VDR: variants seen among roughly 807,000 people sequenced by gnomAD.
VDR encodes the protein vitamin D3 receptor.
In VDR, 19 loss-of-function variants were observed where a neutral mutation model predicts 39.7. The observed-to-expected ratio is 0.48, with a 90% confidence interval of 0.33 to 0.70. The LOEUF (loss-of-function observed/expected upper bound fraction) is 0.70. Ranked by LOEUF, VDR falls within the 30% of genes least tolerant of loss-of-function variation. VDR has a pLI of 0.02. For synonymous variants in VDR, 242 were observed against 215.8 expected, an observed-to-expected ratio of 1.12 and a Z score of -1.07; for missense variants, 442 against 570.5, an observed-to-expected ratio of 0.77 and a Z score of 2.29.
intron 3 of VDR, among the ~76,000 whole-genome samples, chr12:47,865,879 A>ATTT (rs1041605668): frequency 3.4e-5 from 5 of 149,194 alleles, no homozygotes; most frequent in East Asian, 2.0e-4. Context: ...CTCCTGGCTA[A>ATTT]TTTTTTTTTG....
intron 4 of VDR, among the ~76,000 whole-genome samples, chr12:47,862,428 T>A (rs184410222): frequency 1.6e-4 from 25 of 152,374 alleles, no homozygotes; most frequent in Non-Finnish European, 3.7e-4. Context: ...CATCATCTTA[T>A]TAGCTGAGAG....
chr12:47,844,397 T>G lies in VDR; in HGVS notation c.*349A>C, dbSNP rs1412697395. 1 of 453,940 alleles carries G rather than the reference T, an allele frequency of 2.2e-6. No individual in the cohort carries two copies. The highest frequency in any genetic ancestry group is 2.0e-5 in the African/African-American group (1 of 50,648). 28.1% of individuals were successfully genotyped at this position (453,940 alleles called of 1,614,324 possible). A position where few individuals can be genotyped will look rare whatever the true frequency, so the allele number is the denominator to read the frequency against. The stretch of plus-strand genomic sequence containing the variant: ...CTCTGTCCCTGAGGAATGGATGCAT[T>G]TCTCCTGTCTGTTCCCTCAACATCA... On this transcript the variant is annotated 3_prime_UTR_variant, in exon 10 of 10. Coordinates refer to ENST00000549336, the MANE Select transcript of VDR (RefSeq NM_000376.3).
At chr12:47,849,947 T>C (rs1372865358) in intron 7 of VDR, among the ~76,000 whole-genome samples, 5 of 152,140 alleles carry the variant, frequency 3.3e-5, no homozygotes, top group African/African-American at 1.2e-4. Context: ...GCCTCCCGGG[T>C]TCAGGCAATT....
At chr12:47,890,489 G>A (rs4760650) in intron 1 of VDR, among the ~76,000 whole-genome samples, 2 of 151,430 alleles carry the variant, frequency 1.3e-5, no homozygotes, top group African/African-American at 2.4e-5. Flanking sequence ...CACGTCACCA[G>A]GCAGGTTACA....
Position 47,857,655 on chromosome 12 carries a change from C to T in VDR, c.311G>A (p.Arg104Gln), listed in dbSNP as rs749763626. 9.9e-6 allele frequency: 16 copies of T among 1,614,046 alleles called. No homozygotes were observed. The highest frequency in any genetic ancestry group is 2.2e-5 in the South Asian group (2 of 91,082). ...CTCCTTCCGCTTCAGGATCATCTCC[C>T]GCTTCCTCTGCACTTCCTCATCTGT... ...ILTDEEVQRK[R>Q]EMILKRKEEE... Residue 104 changes from arginine to glutamine, a missense_variant, in exon 5 of 10, where the codon CGG (arginine) becomes CAG (glutamine). Arg to Gln is a conservative substitution (Grantham distance 43). This residue lies in a region of VDR where 46 missense variants were observed against 82.0 expected (regional missense o/e 0.56). Coordinates refer to ENST00000549336, the MANE Select transcript of VDR (RefSeq NM_000376.3).
intron 1 of VDR, chr12:47,899,941 G>A: frequency 3.0e-6 from 3 of 985,594 alleles, no homozygotes; most frequent in Non-Finnish European, 3.6e-6. Flanking sequence ...CCGTCCAGCT[G>A]GGCTAGGTTC....
At chr12:47,859,462 G>A (rs979443877) in intron 4 of VDR, among the ~76,000 whole-genome samples, 3 of 152,112 alleles carry the variant, frequency 2.0e-5, no homozygotes, top group African/African-American at 4.8e-5. Flanking sequence ...GCTCATGCTC[G>A]CCCCTGCATT....
At chr12:47,871,867 C>T (rs1400715389) in intron 3 of VDR, among the ~76,000 whole-genome samples, 1 of 152,212 alleles carries the variant, frequency 6.6e-6, no homozygotes, top group East Asian at 1.9e-4. Context: ...AAGAAGTGTT[C>T]TTTAGCAGAT....
At chr12:47,871,470 T>C (rs1384695473) in intron 3 of VDR, among the ~76,000 whole-genome samples, 16 of 150,224 alleles carry the variant, frequency 1.1e-4, no homozygotes, top group East Asian at 1.9e-4. Flanking sequence ...TTCTTTCTTT[T>C]TTTTTTTTTT....
intron 1 of VDR, among the ~76,000 whole-genome samples, chr12:47,899,134 T>C (rs1375888566): frequency 2.6e-5 from 4 of 152,228 alleles, no homozygotes; most frequent in Non-Finnish European, 4.4e-5. Flanking sequence ...AGCTAACAAA[T>C]GACAGAGAAA....
chr12:47,891,074 T>C (rs142172875), intron 1 of VDR, among the ~76,000 whole-genome samples: 2 of 152,326 alleles, frequency 1.3e-5, no homozygotes, highest in Non-Finnish European at 2.9e-5. Flanking sequence ...CTCTTCCGCA[T>C]TGTGTCAAAG....
chr12:47,896,119 G>T (rs1384875211), intron 1 of VDR, among the ~76,000 whole-genome samples: 1 of 152,216 alleles, frequency 6.6e-6, no homozygotes, highest in African/African-American at 2.4e-5. Flanking sequence ...TGTGAAATGA[G>T]AAAAATAACA....
At chr12:47,863,705 A>G (rs1945670463) in intron 4 of VDR, among the ~76,000 whole-genome samples, 1 of 152,152 alleles carries the variant, frequency 6.6e-6, no homozygotes, top group Non-Finnish European at 1.5e-5. Context: ...GCACCCTGTG[A>G]TGGTGTGGAG....
chr12:47,904,493 T>C (rs898824240), intron 1 of VDR: 1 of 902,396 alleles, frequency 1.1e-6, no homozygotes, highest in Non-Finnish European at 1.5e-6. Flanking sequence ...AAAAATTACT[T>C]AAAAGACCCA....
chr12:47,847,834 C>G (rs1167129044), intron 7 of VDR, among the ~76,000 whole-genome samples: 2 of 152,250 alleles, frequency 1.3e-5, no homozygotes, highest in Non-Finnish European at 2.9e-5. Context: ...CCTCAAACTC[C>G]TGGGCTCAAG....
chr12:47,865,172 C>G lies in VDR; in HGVS notation c.152G>C (p.Ser51Thr). Residue 51 changes from serine (S) to threonine (T), a missense_variant, in exon 4 of 10, where the codon AGC (serine) becomes ACC (threonine). Physicochemically the swap from Ser to Thr is moderately conservative, Grantham distance 58. Coordinates refer to ENST00000549336, the MANE Select transcript of VDR (RefSeq NM_000376.3). ...GGTGAATAGTGCCTTCCGCTTCATG[C>G]TTCGCCTGCCGAGAGAGCACACACC... ...CEGCKGFFRR[S>T]MKRKALFTCP... The G allele has an allele frequency of 6.2e-7, 1 of 1,611,352 alleles. No individual in the cohort carries two copies. The highest frequency in any genetic ancestry group is 2.2e-5 in the East Asian group (1 of 44,860).
intron 4 of VDR, among the ~76,000 whole-genome samples, chr12:47,862,524 A>C (rs940643270): frequency 6.6e-6 from 1 of 152,264 alleles, no homozygotes; most frequent in Non-Finnish European, 1.5e-5. Context: ...TGAGAATTTC[A>C]GAAGAAAATG....
intron 7 of VDR, among the ~76,000 whole-genome samples, chr12:47,853,384 A>C (rs1391908577): frequency 6.6e-6 from 1 of 150,986 alleles, no homozygotes; most frequent in East Asian, 1.9e-4. Context: ...CGGAGCTTGC[A>C]GTGAGCCGAG....
At chr12:47,881,741 T>A (rs1176485958) in intron 2 of VDR, among the ~76,000 whole-genome samples, 14 of 152,176 alleles carry the variant, frequency 9.2e-5, no homozygotes. Flanking sequence ...TGTGGATCTA[T>A]CAACATTGTC....
Sources: allele counts gnomAD v4.1 joint callset (sites outside exome capture counted in the v4.1 genomes callset), GRCh38; gene constraint gnomAD v4.1.1; regional missense constraint gnomAD v4.1.1; transcripts MANE v1.5; gene names NCBI Gene and HGNC (gene_info 2026-07-23, HGNC 2026-07-21).